The following CDKAL1 variants were observed in gnomAD, a reference collection of about 807,000 sequenced individuals.
The protein encoded by CDKAL1 is threonylcarbamoyladenosine tRNA methylthiotransferase.
In CDKAL1, 32 loss-of-function variants were observed where a neutral mutation model predicts 68.2. The ratio of observed to expected loss-of-function variants is 0.47; its 90% CI spans 0.35 to 0.63. CDKAL1 has a LOEUF of 0.63. Among genes scored for constraint, CDKAL1 ranks in the 30% least tolerant of loss-of-function variants. The pLI, the probability that CDKAL1 is intolerant of heterozygous loss-of-function variation, is 0.00. For missense variants in CDKAL1, 606 were observed against 696.7 expected, an observed-to-expected ratio of 0.87 and a Z score of 1.47; for synonymous variants, 234 against 244.3, an observed-to-expected ratio of 0.96 and a Z score of 0.39.
At chr6:20,880,052 C>T (rs1313378943) in intron 9 of CDKAL1, among the ~76,000 whole-genome samples, 1 of 152,066 alleles carries the variant, frequency 6.6e-6, no homozygotes, top group Non-Finnish European at 1.5e-5. Context: ...TTTTTATGAA[C>T]AAATTCTGTG....
At chr6:20,885,764 G>A (rs1761037074) in intron 9 of CDKAL1, among the ~76,000 whole-genome samples, 2 of 152,044 alleles carry the variant, frequency 1.3e-5, no homozygotes, top group South Asian at 4.1e-4. Context: ...ATTTGATACA[G>A]GTTTAATTTC....
intron 5 of CDKAL1, among the ~76,000 whole-genome samples, chr6:20,735,954 C>A (rs955094726): frequency 6.6e-6 from 1 of 152,174 alleles, no homozygotes; most frequent in Non-Finnish European, 1.5e-5. Context: ...ACTGCTGCAT[C>A]CGCTGTCATC....
At chr6:21,174,322 T>C (rs1386184564) in intron 13 of CDKAL1, among the ~76,000 whole-genome samples, 1 of 152,236 alleles carries the variant, frequency 6.6e-6, no homozygotes, top group Non-Finnish European at 1.5e-5. Flanking sequence ...CCCTATGTTA[T>C]TCAATAGAGT....
intron 4 of CDKAL1, among the ~76,000 whole-genome samples, chr6:20,607,392 A>G (rs1293609360): frequency 1.3e-5 from 2 of 152,180 alleles, no homozygotes; most frequent in Non-Finnish European, 2.9e-5. Flanking sequence ...TTATTCATAG[A>G]CTATCATAGA....
rs189839255 is a variant in CDKAL1, at chr6:21,217,654, C to T, written c.1549-13194C>T. Among the ~76,000 whole-genome samples, 174 of 152,108 alleles carry T rather than the reference C, an allele frequency of 1.1e-3. 1 individual carries two copies. Among genetic ancestry groups the T allele is most frequent in the African/African-American group, 4.0e-3 (168 of 41,500 alleles). The stretch of plus-strand genomic sequence containing the variant: ...CTGGGATTACAGGCGTGCACTAGCA[C>T]GCCTGGCTAATTTTTATATTTTTAG... On this transcript the variant is annotated intron_variant, in intron 15 of 15. Transcript: ENST00000274695.
intron 10 of CDKAL1, among the ~76,000 whole-genome samples, chr6:20,975,193 A>C (rs1189844742): frequency 6.6e-6 from 1 of 152,150 alleles, no homozygotes; most frequent in Non-Finnish European, 1.5e-5. Context: ...GCTAACTACG[A>C]ACCCACTGAC....
intron 8 of CDKAL1, among the ~76,000 whole-genome samples, chr6:20,815,870 G>C (rs1485139988): frequency 2.6e-5 from 4 of 152,116 alleles, no homozygotes; most frequent in African/African-American, 4.8e-5. Context: ...TCCTGGGGCT[G>C]TCATAATAAA....
At chr6:21,144,496 T>C (rs1045055433) in intron 13 of CDKAL1, among the ~76,000 whole-genome samples, 1 of 152,026 alleles carries the variant, frequency 6.6e-6, no homozygotes, top group Non-Finnish European at 1.5e-5. Flanking sequence ...CCTTAAAAAC[T>C]GAAGATAGGC....
chr6:20,576,600 G>GT (rs1420474419), intron 4 of CDKAL1, among the ~76,000 whole-genome samples: 2 of 152,136 alleles, frequency 1.3e-5, no homozygotes, highest in Non-Finnish European at 2.9e-5. Context: ...TTACTCCTGG[G>GT]TAATGCATTT....
chr6:20,737,424 T>C (rs1359009999), intron 5 of CDKAL1, among the ~76,000 whole-genome samples: 3 of 152,266 alleles, frequency 2.0e-5, no homozygotes, highest in Non-Finnish European at 4.4e-5. Context: ...TAATGATGTC[T>C]TAGATATGCT....
chr6:20,566,475 T>C (rs925600569), intron 4 of CDKAL1, among the ~76,000 whole-genome samples: 4 of 152,140 alleles, frequency 2.6e-5, no homozygotes, highest in Non-Finnish European at 4.4e-5. Context: ...GTATCAGTAA[T>C]GGAGGAAATT....
intron 5 of CDKAL1, among the ~76,000 whole-genome samples, chr6:20,715,181 T>C (rs544290397): frequency 4.0e-4 from 61 of 152,220 alleles, no homozygotes; most frequent in Middle Eastern, 3.2e-3. Flanking sequence ...TTTGCTGCTT[T>C]GTATCCTTTG....
rs561958516 is a variant in CDKAL1, at chr6:21,131,341, TATG to T, written c.1299+22881_1299+22883del. Reference sequence around the variant, plus strand: ...ACACTGAATTTCAGAAATCCCAGTTTATGATAAGTACTGCCTTTCAGGGTGTTT... The same window carrying T: ...ACACTGAATTTCAGAAATCCCAGTTTATAAGTACTGCCTTTCAGGGTGTTT... On this transcript the variant is annotated intron_variant, in intron 13 of 15. Coordinates refer to ENST00000274695, the MANE Select transcript of CDKAL1 (RefSeq NM_017774.3). Among the ~76,000 whole-genome samples the T allele has an allele frequency of 8.4e-3, 1,284 of 152,366 alleles. 10 individuals are homozygous for T. The highest frequency in any genetic ancestry group is 0.011 in the Admixed American group (175 of 15,302).
chr6:20,789,597 G>A (rs561313515), intron 8 of CDKAL1, among the ~76,000 whole-genome samples: 121 of 152,304 alleles, frequency 7.9e-4, no homozygotes, highest in African/African-American at 2.9e-3. Flanking sequence ...ATTCTAGCAT[G>A]TTGTAGGATT....
At chr6:21,098,107 A>G (rs1180421768) in intron 12 of CDKAL1, among the ~76,000 whole-genome samples, 1 of 152,238 alleles carries the variant, frequency 6.6e-6, no homozygotes, top group African/African-American at 2.4e-5. Flanking sequence ...CACAATGGGC[A>G]CACAGTAAAT....
intron 12 of CDKAL1, among the ~76,000 whole-genome samples, chr6:21,077,906 C>T (rs370152605): frequency 2.6e-4 from 39 of 152,222 alleles, no homozygotes; most frequent in African/African-American, 8.4e-4. Flanking sequence ...TCACAAGGAT[C>T]CTCATAAAGG....
intron 5 of CDKAL1, among the ~76,000 whole-genome samples, chr6:20,738,572 A>T (rs1773305247): frequency 1.4e-5 from 2 of 144,344 alleles, no homozygotes; most frequent in Non-Finnish European, 3.0e-5. Flanking sequence ...GGTGGTGCTC[A>T]CCACAACCTT....
At chr6:20,744,149 C>T (rs1315316822) in intron 6 of CDKAL1, among the ~76,000 whole-genome samples, 1 of 152,026 alleles carries the variant, frequency 6.6e-6, no homozygotes, top group African/African-American at 2.4e-5. Flanking sequence ...TTGTTTATGT[C>T]ATTTATGTTA....
At chr6:21,001,148 G>A (rs9368266) in intron 11 of CDKAL1, among the ~76,000 whole-genome samples, 91,357 of 152,050 alleles carry the variant, frequency 0.6, 27,770 homozygotes, top group East Asian at 0.86. Flanking sequence ...TTGTCTTGGC[G>A]TATTTGTGGC....
Sources: gnomAD v4.1 joint callset for allele counts (sites outside exome capture counted in the v4.1 genomes callset) on GRCh38, gnomAD v4.1.1 for gene constraint, MANE v1.5 for transcripts, NCBI Gene and HGNC (gene_info 2026-07-23, HGNC 2026-07-21) for gene names.